SNTG2: variants seen among roughly 807,000 people sequenced by gnomAD.
SNTG2 encodes the protein gamma-2-syntrophin.
In SNTG2, 74 loss-of-function variants were observed where a neutral mutation model predicts 70.9. The observed-to-expected ratio is 1.04, with a 90% CI of 0.86 to 1.27. The LOEUF (loss-of-function observed/expected upper bound fraction) is 1.27. SNTG2 is among the 50% of genes most tolerant of loss of function. The probability of loss-of-function intolerance (pLI) is 0.00; values close to 1 mark genes in which losing one functional copy is unlikely to be tolerated. For synonymous variants in SNTG2, 278 were observed against 273.8 expected (o/e 1.02, Z -0.15); for missense variants, 717 against 690.7 (o/e 1.04, Z -0.43).
intron 9 of SNTG2, among the ~76,000 whole-genome samples, chr2:1,222,460 T>A (rs1356837206): frequency 7.0e-6 from 1 of 142,724 alleles, no homozygotes; most frequent in Non-Finnish European, 1.5e-5. Flanking sequence ...CTTCTTAAGC[T>A]GGAGGTGCTG....
At chr2:1,258,837 C>G (rs1052485170) in intron 12 of SNTG2, among the ~76,000 whole-genome samples, 1 of 152,094 alleles carries the variant, frequency 6.6e-6, no homozygotes, top group Non-Finnish European at 1.5e-5. Flanking sequence ...CTCAGACCAA[C>G]GAAAAATGTA....
At chr2:1,238,175 G>T (rs1676808853) in intron 10 of SNTG2, among the ~76,000 whole-genome samples, 158 bp downstream of exon 10, 1 of 152,106 alleles carries the variant, frequency 6.6e-6, no homozygotes, top group East Asian at 1.9e-4. Flanking sequence ...TAAAAATGAA[G>T]CCATCAGAAT....
At chr2:1,164,307 G>A (rs1259920201) in intron 6 of SNTG2, among the ~76,000 whole-genome samples, 1 of 132,636 alleles carries the variant, frequency 7.5e-6, no homozygotes, top group East Asian at 2.4e-4. Flanking sequence ...GAGAGGGCGG[G>A]GTGGGATATG....
At chr2:1,022,790 C>A (rs1429842513) in intron 1 of SNTG2, among the ~76,000 whole-genome samples, 1 of 152,120 alleles carries the variant, frequency 6.6e-6, no homozygotes, top group East Asian at 1.9e-4. Flanking sequence ...TTTCTTCTTT[C>A]CCCCTTCCAT....
At chr2:1,029,442 A>G (rs548068292) in intron 1 of SNTG2, among the ~76,000 whole-genome samples, 7 of 152,348 alleles carry the variant, frequency 4.6e-5, no homozygotes, top group African/African-American at 1.7e-4. Context: ...AATAGTATCT[A>G]AGAATAATAA....
intron 15 of SNTG2, among the ~76,000 whole-genome samples, chr2:1,312,430 C>T (rs970446016): frequency 3.9e-5 from 6 of 152,080 alleles, no homozygotes; most frequent in Non-Finnish European, 8.8e-5. Flanking sequence ...GAGAGGACAT[C>T]GACAAGAATA....
intron 8 of SNTG2, among the ~76,000 whole-genome samples, chr2:1,205,130 C>T (rs538164716): frequency 7.2e-5 from 11 of 152,128 alleles, no homozygotes; most frequent in African/African-American, 2.2e-4. Context: ...AATCAGAGAA[C>T]GTAGACTTAA....
At chr2:1,016,502 A>C (rs2148002732) in intron 1 of SNTG2, among the ~76,000 whole-genome samples, 1 of 152,270 alleles carries the variant, frequency 6.6e-6, no homozygotes, top group Non-Finnish European at 1.5e-5. Flanking sequence ...CAGCCTCCCA[A>C]AGTGCAGGGA....
intron 4 of SNTG2, among the ~76,000 whole-genome samples, chr2:1,125,793 T>A (rs919850314): frequency 6.6e-6 from 1 of 152,258 alleles, no homozygotes; most frequent in Middle Eastern, 3.4e-3. Flanking sequence ...CAGAACAGGA[T>A]ATGATGATAG....
At chr2:959,853 C>G (rs1280408251) in intron 1 of SNTG2, among the ~76,000 whole-genome samples, 1 of 151,682 alleles carries the variant, frequency 6.6e-6, no homozygotes, top group African/African-American at 2.4e-5. Context: ...ATCCGTATCT[C>G]AGTACTGAAA....
At chr2:1,256,932 A>G (rs1270460329) in intron 12 of SNTG2, among the ~76,000 whole-genome samples, 1 of 151,590 alleles carries the variant, frequency 6.6e-6, no homozygotes, top group Admixed American at 6.6e-5. Flanking sequence ...GTAAGCAGGG[A>G]AAGAACAATG....
chr2:1,296,962 C>T (rs935991914), intron 14 of SNTG2, among the ~76,000 whole-genome samples: 1 of 152,202 alleles, frequency 6.6e-6, no homozygotes, highest in African/African-American at 2.4e-5. Context: ...CTCAAGAAAG[C>T]AGAACAGAAC....
At chr2:1,234,265 A>T (rs1341360020) in intron 9 of SNTG2, among the ~76,000 whole-genome samples, 1 of 152,220 alleles carries the variant, frequency 6.6e-6, no homozygotes, top group Non-Finnish European at 1.5e-5. Flanking sequence ...CCCGGCTTCT[A>T]TAACAATAAA....
At chr2:1,070,984 G>A (rs576909707) in intron 1 of SNTG2, among the ~76,000 whole-genome samples, 1 of 152,048 alleles carries the variant, frequency 6.6e-6, no homozygotes, top group South Asian at 2.1e-4. Context: ...GTGTCACTGG[G>A]GGGTGGCCAC....
intron 1 of SNTG2, among the ~76,000 whole-genome samples, chr2:993,224 C>A (rs371736955): frequency 7.7e-6 from 1 of 129,968 alleles, no homozygotes; most frequent in African/African-American, 2.8e-5. Context: ...ATCCCTCCCC[C>A]CTCCCCCGAC....
At chr2:1,193,240 C>T (rs767611324) in intron 8 of SNTG2, among the ~76,000 whole-genome samples, 3 of 152,248 alleles carry the variant, frequency 2.0e-5, no homozygotes, top group African/African-American at 4.8e-5. Flanking sequence ...TGACTCCTGC[C>T]GAGCCGTGGG....
intron 1 of SNTG2, among the ~76,000 whole-genome samples, chr2:977,141 G>A (rs1415836199): frequency 2.6e-5 from 4 of 152,198 alleles, no homozygotes; most frequent in Admixed American, 6.5e-5. Flanking sequence ...GAGCAGTTGT[G>A]GGAGAGCCTG....
At chr2:1,031,522 ATATATATTTTT>A (rs1660818252) in intron 1 of SNTG2, among the ~76,000 whole-genome samples, 1 of 47,768 alleles carries the variant, frequency 2.1e-5, no homozygotes, top group African/African-American at 1.0e-4. Flanking sequence ...ATATATATAT[ATATATATTTTT>A]TTTTTTTTTT....
chr2:1,285,948 AC>A (rs1410904012), intron 14 of SNTG2, among the ~76,000 whole-genome samples: 1 of 151,908 alleles, frequency 6.6e-6, no homozygotes, highest in Non-Finnish European at 1.5e-5. Flanking sequence ...TTCCTTGCGT[AC>A]TCTTCCTTAC....
Sources: gnomAD v4.1 joint callset for allele counts (sites outside exome capture counted in the v4.1 genomes callset) on GRCh38, gnomAD v4.1.1 for gene constraint, MANE v1.5 for transcripts, NCBI Gene and HGNC (gene_info 2026-07-23, HGNC 2026-07-21) for gene names.